The following MED23 variants were observed in gnomAD, a reference collection of about 807,000 sequenced individuals.
The protein encoded by MED23 is mediator complex subunit 23.
MED23 carries 105 observed loss-of-function variants against 163.9 expected under a neutral mutation model. The observed-to-expected ratio is 0.64, with a 90% CI of 0.55 to 0.75. MED23 has a LOEUF of 0.75. Ranked by LOEUF, MED23 falls within the 30% of genes least tolerant of loss-of-function variation. The pLI is 0.00. For missense variants in MED23, 1,054 were observed against 1,649.0 expected (o/e 0.64, Z 6.25); for synonymous variants, 561 against 565.6 (o/e 0.99, Z 0.12).
intron 10 of MED23, among the ~76,000 whole-genome samples, chr6:131,611,563 T>C (rs946367964): frequency 2.6e-5 from 4 of 152,156 alleles, no homozygotes; most frequent in African/African-American, 9.7e-5. Flanking sequence ...CACTACAGAC[T>C]ATTTCTTAAA....
chr6:131,620,492 G>A lies in MED23; in HGVS notation c.597+136C>T, dbSNP rs966983677. On this transcript the variant is annotated intron_variant, in intron 7 of 28. Coordinates refer to ENST00000368068, the MANE Select transcript of MED23 (RefSeq NM_004830.4). ...TTTTTTAATGTTTTGCAGAGACAGA[G>A]TCTTGTTATGTTACCCAGGTTGGGT... 1.6e-5 allele frequency: 11 copies of A among 684,490 alleles called. No individual in the cohort carries two copies. The African/African-American group carries it at 2.0e-4, about 12-fold the overall frequency. The allele number at this position is 684,490 out of a possible 1,614,324, so 42.4% of individuals were successfully genotyped here. A position where few individuals can be genotyped will look rare whatever the true frequency, so the allele number is the denominator to read the frequency against.
chr6:131,598,884 T>A lies in MED23; in HGVS notation c.2221-123A>T. 1.1e-6 allele frequency: 1 copy of A among 870,976 alleles called. No individual in the cohort carries two copies. Among genetic ancestry groups the A allele is most frequent in the Non-Finnish European group, 1.9e-6 (1 of 536,018 alleles). The allele number at this position is 870,976 out of a possible 1,614,324, so 54.0% of individuals were successfully genotyped here. A position where few individuals can be genotyped will look rare whatever the true frequency, so the allele number is the denominator to read the frequency against. Reference sequence around the variant, plus strand: ...TAAACTCTAGGTCACCTTGAGCAACTCAGCAATTAAGGCCTGAATTTCTGT... The same window carrying A: ...TAAACTCTAGGTCACCTTGAGCAACACAGCAATTAAGGCCTGAATTTCTGT... On this transcript the variant is annotated intron_variant, in intron 18 of 28. Coordinates refer to ENST00000368068, the MANE Select transcript of MED23 (RefSeq NM_004830.4). The surrounding 1 kb of genome is among the most constrained non-coding windows in gnomAD (Gnocchi z 4.7).
chr6:131,577,904 CA>C (rs574140142), intron 30 of MED23, among the ~76,000 whole-genome samples: 1,890 of 74,986 alleles, frequency 0.025, 28 homozygotes, highest in African/African-American at 0.076. Flanking sequence ...ACTCCATCTC[CA>C]AAAAAAAAAA....
intron 18 of MED23, among the ~76,000 whole-genome samples, chr6:131,599,604 CTTTTA>C (rs888470924): frequency 5.3e-5 from 8 of 152,046 alleles, no homozygotes; most frequent in African/African-American, 1.9e-4. Flanking sequence ...ATTTTTTTCA[CTTTTA>C]TTTTTTTCCT....
At position 131,605,489 on chromosome 6, in the gene MED23, A is replaced by T. The variant is rs371138123; in HGVS notation, c.1368-4T>A. On this transcript the variant is annotated splice_region_variant and splice_polypyrimidine_tract_variant and intron_variant, in intron 13 of 28. Coordinates refer to ENST00000368068, the MANE Select transcript of MED23 (RefSeq NM_004830.4). ...TCTTAGACTCTGCTGCAGGAACCTA[A>T]ATATTCACGTTCCATTAAAAAGAAA... 1.3e-6 allele frequency: 2 copies of T among 1,571,294 alleles called. No homozygotes were observed. The highest frequency in any genetic ancestry group is 1.4e-5 in the African/African-American group (1 of 73,046).
intron 21 of MED23, 77 bp from the exon 22 acceptor site, chr6:131,596,240 T>C: frequency 1.5e-6 from 2 of 1,299,578 alleles, no homozygotes; most frequent in Non-Finnish European, 2.2e-6. Flanking sequence ...TGTGAAAACA[T>C]TGTTTAGATT....
chr6:131,627,333 A>G, intron 3 of MED23, 63 bp downstream of exon 3: 1 of 1,163,344 alleles, frequency 8.6e-7, no homozygotes. Context: ...TTAAAAGAAA[A>G]AAAAAAAAAA....
rs1225945957 is a variant in MED23 at position 131,591,515 on chromosome 6, T to C, written c.3484A>G (p.Ile1162Val). ...IITALPEPYW[I>V]VLHDRIVSVI... ...CTCACAATTCGATCATGAAGAACAATCCAATATGGCTCCTTTAAAATCGGA... is the reference window on the plus strand; with the variant it reads ...CTCACAATTCGATCATGAAGAACAACCCAATATGGCTCCTTTAAAATCGGA... Residue 1162 changes from isoleucine to valine, a missense_variant, in exon 26 of 29, where the codon ATT becomes GTT. Around this residue, in one of 11 missense-constraint regions of MED23, gnomAD observed 362 missense variants for 471.6 expected, o/e 0.77. Coordinates refer to ENST00000368068, the MANE Select transcript of MED23 (RefSeq NM_004830.4). The C allele has an allele frequency of 6.2e-7, 1 of 1,612,780 alleles. No homozygotes were observed. The highest frequency in any genetic ancestry group is 1.3e-5 in the African/African-American group (1 of 75,002).
At chr6:131,582,305 T>A (rs140066599), downstream of MED23, among the ~76,000 whole-genome samples, 45 of 152,214 alleles carry the variant, frequency 3.0e-4, no homozygotes, top group East Asian at 6.6e-3. Flanking sequence ...AAGGACTTAC[T>A]GAGAAAGGGA....
intron 10 of MED23, among the ~76,000 whole-genome samples, chr6:131,612,379 A>C (rs1453127585): frequency 6.6e-6 from 1 of 152,138 alleles, no homozygotes; most frequent in Non-Finnish European, 1.5e-5. Context: ...AAAGACAGGT[A>C]CATTAAAATT....
Position 131,587,200 on chromosome 6 carries a change from T to C in MED23, c.*479A>G. 1 of 1,094,078 alleles carries C rather than the reference T, an allele frequency of 9.1e-7. No homozygotes were observed. Among genetic ancestry groups the C allele is most frequent in the Non-Finnish European group, 1.1e-6 (1 of 882,278 alleles). The allele number at this position is 1,094,078 out of a possible 1,614,324, so 67.8% of individuals were successfully genotyped here. On this transcript the variant is annotated 3_prime_UTR_variant, in exon 29 of 29. Transcript: ENST00000368068. ...CTCCTACAATGCAACAAAATCTAGA[T>C]TCCTTTTCTTGATATAAATCTCTAT...
intron 25 of MED23, chr6:131,591,786 T>C (rs938520733): frequency 2.0e-6 from 1 of 492,232 alleles, no homozygotes. Context: ...AATCAATTAA[T>C]TTATCAAACA....
chr6:131,619,963 A>G, intron 7 of MED23, 67 bp from the exon 8 acceptor site: 1 of 920,286 alleles, frequency 1.1e-6, no homozygotes, highest in Non-Finnish European at 1.8e-6. Flanking sequence ...ACTGCCCCTG[A>G]AATATATGAA....
chr6:131,594,129 A>T lies in MED23; in HGVS notation c.3202T>A (p.Tyr1068Asn). ...ENPWVPDDTY[Y>N]CRLIGRLVDT... Reference sequence around the variant, plus strand: ...ACTAGTCTGCCAATCAATCTGCAATAGTAGGTGTCATCTGGAACCCAAGGA... The same window carrying T: ...ACTAGTCTGCCAATCAATCTGCAATTGTAGGTGTCATCTGGAACCCAAGGA... Residue 1068 changes from tyrosine (Y) to asparagine (N), a missense_variant, in exon 23 of 29, where the codon TAT becomes AAT. Around this residue, in one of 11 missense-constraint regions of MED23, gnomAD observed 362 missense variants for 471.6 expected, o/e 0.77. Transcript: ENST00000368068. 1.2e-6 allele frequency: 2 copies of T among 1,614,148 alleles called. No individual in the cohort carries two copies.
chr6:131,580,675 ATGAG>A (rs1413335177), intron 30 of MED23, among the ~76,000 whole-genome samples: 1 of 152,218 alleles, frequency 6.6e-6, no homozygotes, highest in Non-Finnish European at 1.5e-5. Flanking sequence ...ATTGAATAGA[ATGAG>A]TGAACACACG....
intron 15 of MED23, among the ~76,000 whole-genome samples, chr6:131,603,963 C>A (rs1013040291): frequency 6.6e-6 from 1 of 152,190 alleles, no homozygotes; most frequent in African/African-American, 2.4e-5. Flanking sequence ...TGCAACAAAC[C>A]CCCCAACCCT....
chr6:131,597,457 C>A (rs1413934960), intron 20 of MED23, among the ~76,000 whole-genome samples: 2 of 94,782 alleles, frequency 2.1e-5, no homozygotes, highest in Non-Finnish European at 1.9e-5. Context: ...GCCTGGGCGA[C>A]AGAGAAAGAC....
At position 131,627,676 on chromosome 6, in the gene MED23, TAA is replaced by T. The variant is rs200823095; in HGVS notation, c.40-6_40-5del. On this transcript the variant is annotated splice_region_variant and splice_polypyrimidine_tract_variant and intron_variant, in intron 1 of 28. Transcript: ENST00000368068. ...CCTCTTCTATAACTTCCGTTTTCTG[TAA>T]AAAAAAAAAAAACAAAATGTAAACA... The T allele has an allele frequency of 6.2e-4, 896 of 1,449,458 alleles. No individual in the cohort carries two copies. Among genetic ancestry groups the T allele is most frequent in the Non-Finnish European group, 7.2e-4 (765 of 1,060,924 alleles). 89.8% of individuals were successfully genotyped at this position (1,449,458 alleles called of 1,614,324 possible).
chr6:131,579,859 A>T lies in MED23; in HGVS notation c.4096-5564T>A, dbSNP rs950680063. On this transcript the variant is annotated intron_variant, in intron 30 of 30. Transcript: ENST00000354577. ...GTGTGTGTGTGTATGTGTGTGTGTG[A>T]GAGAGAGAGAGAGAGAGACAGATGT... Among the ~76,000 whole-genome samples the T allele has an allele frequency of 3.2e-3, 451 of 141,886 alleles. 4 individuals are homozygous for T. The highest frequency in any genetic ancestry group is 8.2e-3 in the Admixed American group (119 of 14,580). The allele number at this position is 141,886 out of a possible 152,430, so 93.1% of individuals were successfully genotyped here. A position where few individuals can be genotyped will look rare whatever the true frequency, so the allele number is the denominator to read the frequency against.
Sources: gnomAD v4.1 joint callset for allele counts (sites outside exome capture counted in the v4.1 genomes callset) on GRCh38, gnomAD v4.1.1 for gene constraint, gnomAD v4.1.1 regional missense constraint, Gnocchi (gnomAD v3.1) non-coding constraint, MANE v1.5 for transcripts, NCBI Gene and HGNC (gene_info 2026-07-23, HGNC 2026-07-21) for gene names.